NKAIN2: variants seen among roughly 807,000 people sequenced by gnomAD.
NKAIN2 encodes the protein sodium/potassium-transporting ATPase subunit beta-1-interacting protein 2.
Under a neutral mutation model 32.6 loss-of-function variants are expected in NKAIN2, and 14 were observed. The observed-to-expected ratio is 0.43, with a 90% CI of 0.28 to 0.67. NKAIN2 has a LOEUF of 0.67. Among genes scored for constraint, NKAIN2 ranks in the 30% least tolerant of loss-of-function variants. NKAIN2 has a pLI of 0.17. For missense variants in NKAIN2, 198 were observed against 258.3 expected (o/e 0.77, Z 1.60); for synonymous variants, 80 against 87.2 (o/e 0.92, Z 0.46).
At chr6:123,826,012 C>G (rs1774132964) in intron 1 of NKAIN2, among the ~76,000 whole-genome samples, 1 of 152,100 alleles carries the variant, frequency 6.6e-6, no homozygotes, top group African/African-American at 2.4e-5. Flanking sequence ...TAGATAACTA[C>G]TTTTAGTGTC....
At chr6:124,245,725 A>T (rs1793361187) in intron 1 of NKAIN2, among the ~76,000 whole-genome samples, 1 of 152,120 alleles carries the variant, frequency 6.6e-6, no homozygotes, top group African/African-American at 2.4e-5. Context: ...TTCAGCTCAG[A>T]TAGCTCTGAG....
chr6:124,163,034 A>G (rs546022407), intron 1 of NKAIN2, among the ~76,000 whole-genome samples: 1 of 152,156 alleles, frequency 6.6e-6, no homozygotes, highest in South Asian at 2.1e-4. Context: ...GCTTCCAGAA[A>G]AGTTTATCAT....
intron 2 of NKAIN2, among the ~76,000 whole-genome samples, chr6:124,288,751 G>A (rs1362623181): frequency 6.6e-6 from 1 of 152,014 alleles, no homozygotes; most frequent in African/African-American, 2.4e-5. Flanking sequence ...TTTGCTATTT[G>A]TAAAGAGTTT....
intron 4 of NKAIN2, among the ~76,000 whole-genome samples, chr6:124,781,935 A>T (rs1779286492): frequency 1.3e-5 from 2 of 152,102 alleles, no homozygotes; most frequent in Admixed American, 1.3e-4. Flanking sequence ...TCCACATTTT[A>T]TTCCCCTGGA....
intron 3 of NKAIN2, among the ~76,000 whole-genome samples, chr6:124,503,398 T>G (rs1778366129): frequency 6.6e-6 from 1 of 152,128 alleles, no homozygotes; most frequent in Non-Finnish European, 1.5e-5. Context: ...TTTTTCATAA[T>G]GTAAATAGGA....
chr6:123,957,653 A>G (rs921020106), intron 1 of NKAIN2, among the ~76,000 whole-genome samples: 1 of 152,208 alleles, frequency 6.6e-6, no homozygotes, highest in African/African-American at 2.4e-5. Flanking sequence ...TTAGATGTTT[A>G]CAAATATATT....
At chr6:124,513,835 C>A (rs1283323569) in intron 3 of NKAIN2, among the ~76,000 whole-genome samples, 1 of 152,088 alleles carries the variant, frequency 6.6e-6, no homozygotes, top group Non-Finnish European at 1.5e-5. Context: ...TTTAACCTAA[C>A]CGGATTCCAC....
intron 1 of NKAIN2, among the ~76,000 whole-genome samples, chr6:124,263,117 A>G (rs1794326261): frequency 6.6e-6 from 1 of 152,240 alleles, no homozygotes; most frequent in Non-Finnish European, 1.5e-5. Flanking sequence ...CACTCATTTT[A>G]TAGTTATAAA....
chr6:124,641,349 G>A (rs559250125), intron 3 of NKAIN2, among the ~76,000 whole-genome samples: 23 of 152,094 alleles, frequency 1.5e-4, no homozygotes, highest in African/African-American at 5.3e-4. Context: ...GAAGGCAGTC[G>A]CGATAAGACT....
At chr6:124,819,430 C>T (rs1272565868) in intron 6 of NKAIN2, among the ~76,000 whole-genome samples, 1 of 152,122 alleles carries the variant, frequency 6.6e-6, no homozygotes, top group Non-Finnish European at 1.5e-5. Flanking sequence ...TCTCTGAAAT[C>T]ATTTGCTAAT....
chr6:124,282,853 A>G (rs572134122), intron 1 of NKAIN2, 152 bp from the exon 2 acceptor site: 3 of 671,414 alleles, frequency 4.5e-6, no homozygotes, highest in South Asian at 2.0e-5. Context: ...ATAACTGAAA[A>G]TGTCATTCTC....
chr6:124,068,699 A>G (rs1783302384), intron 1 of NKAIN2, among the ~76,000 whole-genome samples: 2 of 151,974 alleles, frequency 1.3e-5, no homozygotes, highest in African/African-American at 4.8e-5. Flanking sequence ...CCTAAGAAAA[A>G]TGTTCTACTG....
intron 2 of NKAIN2, among the ~76,000 whole-genome samples, chr6:124,286,978 G>C (rs1170449649): frequency 6.6e-6 from 1 of 151,996 alleles, no homozygotes; most frequent in Admixed American, 6.6e-5. Flanking sequence ...CATTGTGCCC[G>C]GCCAGGGATT....
intron 5 of NKAIN2, chr6:124,794,911 G>A (rs1779932204): frequency 1.2e-6 from 1 of 841,080 alleles, no homozygotes; most frequent in Non-Finnish European, 1.4e-6. Flanking sequence ...TATCATTTTG[G>A]TAATTATATT....
chr6:124,655,112 A>G (rs1269344617), intron 3 of NKAIN2, among the ~76,000 whole-genome samples: 1 of 152,078 alleles, frequency 6.6e-6, no homozygotes, highest in Non-Finnish European at 1.5e-5. Flanking sequence ...ATATATTATA[A>G]ATATTTTATA....
intron 3 of NKAIN2, among the ~76,000 whole-genome samples, chr6:124,575,799 A>G (rs113840855): frequency 0.01 from 1,542 of 152,218 alleles, 13 homozygotes; most frequent in Middle Eastern, 0.031. Context: ...TACTTTTTCA[A>G]TATCTCAAAG....
intron 1 of NKAIN2, among the ~76,000 whole-genome samples, chr6:124,041,269 G>A (rs920092211): frequency 7.9e-5 from 12 of 151,894 alleles, no homozygotes; most frequent in Admixed American, 6.6e-5. Flanking sequence ...ATCATTATCC[G>A]CACATCATCT....
At chr6:123,905,171 T>C (rs139293913) in intron 1 of NKAIN2, among the ~76,000 whole-genome samples, 15 of 152,262 alleles carry the variant, frequency 9.9e-5, no homozygotes, top group African/African-American at 3.1e-4. Flanking sequence ...CACAGTTTCA[T>C]GGCAGATGCT....
intron 4 of NKAIN2, among the ~76,000 whole-genome samples, chr6:124,719,160 G>C (rs1270175315): frequency 6.6e-6 from 1 of 151,992 alleles, no homozygotes; most frequent in Non-Finnish European, 1.5e-5. Flanking sequence ...ATATTCTTAG[G>C]ATAAATTGCT....
Sources: gnomAD v4.1 joint callset for allele counts (sites outside exome capture counted in the v4.1 genomes callset) on GRCh38, gnomAD v4.1.1 for gene constraint, MANE v1.5 for transcripts, NCBI Gene and HGNC (gene_info 2026-07-23, HGNC 2026-07-21) for gene names.